SVEP1: variants seen among roughly 807,000 people sequenced by gnomAD.
The protein encoded by SVEP1 is sushi, von Willebrand factor type A, EGF and pentraxin domain-containing protein 1.
In SVEP1, 164 loss-of-function variants were observed where a neutral mutation model predicts 367.3. The ratio of observed to expected loss-of-function variants is 0.45; its 90% confidence interval spans 0.39 to 0.51. SVEP1 has a LOEUF of 0.51. Ranked by LOEUF, SVEP1 falls within the 20% of genes least tolerant of loss-of-function variation. SVEP1 has a pLI of 0.00. For missense variants in SVEP1, 4,117 were observed against 4,425.3 expected (o/e 0.93, Z 1.98); for synonymous variants, 1,666 against 1,611.6 (o/e 1.03, Z -0.81).
chr9:110,519,208 T>C (rs1276109346), intron 3 of SVEP1, among the ~76,000 whole-genome samples: 1 of 152,216 alleles, frequency 6.6e-6, no homozygotes, highest in Non-Finnish European at 1.5e-5. Context: ...TGAGGTCATG[T>C]GAGTAAAGCA....
chr9:110,448,032 G>A (rs954121618), intron 24 of SVEP1, among the ~76,000 whole-genome samples: 3 of 152,148 alleles, frequency 2.0e-5, no homozygotes, highest in Admixed American at 6.5e-5. Context: ...CTTATATACT[G>A]TTTATAGAAG....
At chr9:110,423,548 A>C (rs1280150946) in intron 36 of SVEP1, among the ~76,000 whole-genome samples, 1 of 152,184 alleles carries the variant, frequency 6.6e-6, no homozygotes, top group Non-Finnish European at 1.5e-5. Context: ...AAAGTCTTCA[A>C]GTTGTTCAGG....
rs771137481 is a variant in SVEP1 at position 110,457,333 on chromosome 9, A to G, written c.3596T>C (p.Phe1199Ser). The change falls in exon 21 of 48, where the codon TTT (phenylalanine) becomes TCT (serine). Residue 1199 changes from phenylalanine to serine, a missense_variant. Coordinates refer to ENST00000374469, the MANE Select transcript of SVEP1 (RefSeq NM_153366.4). ...GGTTCCACTATTGTGGCAAGGGTTA[A>G]AGAAGCATTCATGGAAAACCTACCA... is the stretch of plus-strand genomic sequence containing the variant. ...ISSQVFHECF[F>S]NPCHNSGTCQ... 3.1e-6 allele frequency: 5 copies of G among 1,611,574 alleles called. No homozygotes were observed. The highest frequency in any genetic ancestry group is 4.2e-6 in the Non-Finnish European group (5 of 1,179,354).
intron 40 of SVEP1, among the ~76,000 whole-genome samples, chr9:110,394,248 G>A (rs1044719907): frequency 6.6e-6 from 1 of 152,182 alleles, no homozygotes; most frequent in Admixed American, 6.5e-5. Flanking sequence ...GGCAAACAGG[G>A]TCTGGATTGG....
At chr9:110,548,710 CA>C (rs1316791846) in intron 2 of SVEP1, among the ~76,000 whole-genome samples, 1 of 152,262 alleles carries the variant, frequency 6.6e-6, no homozygotes, top group African/African-American at 2.4e-5. Flanking sequence ...AACGCAAATC[CA>C]TACTTTATTT....
Position 110,496,899 on chromosome 9 carries a change from G to A in SVEP1, c.1716C>T (p.Asp572=). 6.4e-7 allele frequency: 1 copy of A among 1,554,388 alleles called. No individual in the cohort carries two copies. Among genetic ancestry groups the A allele is most frequent in the Non-Finnish European group, 8.7e-7 (1 of 1,147,840 alleles). The change falls in exon 8 of 48, where the codon GAC becomes GAT. Residue 572 remains aspartate (D), a synonymous_variant. Transcript: ENST00000374469. ...GCTGTTCCAGAGTCTTAGCCTCTAT[G>A]TCCTTAGGACAGTTGATTTGAGGAG... ...VEAPQINCPK[D]IEAKTLEQQD...
chr9:110,375,578 C>G, intron 45 of SVEP1, 115 bp from the exon 46 acceptor site: 1 of 824,736 alleles, frequency 1.2e-6, no homozygotes, highest in Non-Finnish European at 1.9e-6. Flanking sequence ...AGGAGTGAAA[C>G]CTTATATGAC....
At chr9:110,528,605 C>G (rs1441979632) in intron 3 of SVEP1, among the ~76,000 whole-genome samples, 1 of 151,714 alleles carries the variant, frequency 6.6e-6, no homozygotes, top group Non-Finnish European at 1.5e-5. Flanking sequence ...TATATATCTT[C>G]CTTGAGAAAT....
intron 36 of SVEP1, among the ~76,000 whole-genome samples, chr9:110,426,629 G>A (rs1828257278): frequency 6.6e-6 from 1 of 152,136 alleles, no homozygotes; most frequent in Non-Finnish European, 1.5e-5. Flanking sequence ...AATATTTATT[G>A]AGGATGCATA....
chr9:110,427,729 G>C lies in SVEP1; in HGVS notation c.5837C>G (p.Thr1946Arg). Residue 1946 changes from threonine to arginine, a missense_variant, in exon 36 of 48, where the codon ACG becomes AGG. Physicochemically the swap from Thr to Arg is moderately conservative, Grantham distance 71. This residue lies in a region of SVEP1 where 2,174 missense variants were observed against 2,494.3 expected (regional missense o/e 0.87). Coordinates refer to ENST00000374469, the MANE Select transcript of SVEP1 (RefSeq NM_153366.4). ...CGCTCTGTCCCAGATGCCAGAAGCCGTGCATTCAATAATGGAAGGGCCCTG... is the reference window on the plus strand; with the variant it reads ...CGCTCTGTCCCAGATGCCAGAAGCCCTGCATTCAATAATGGAAGGGCCCTG... The part of the protein sequence containing the change: ...SLQGPSIIEC[T>R]ASGIWDRAPP... 1 of 1,613,106 alleles carries C rather than the reference G, an allele frequency of 6.2e-7. No individual in the cohort carries two copies. The highest frequency in any genetic ancestry group is 8.5e-7 in the Non-Finnish European group (1 of 1,179,520).
intron 1 of SVEP1, among the ~76,000 whole-genome samples, chr9:110,566,961 G>T (rs144208274): frequency 6.6e-6 from 1 of 152,082 alleles, no homozygotes; most frequent in African/African-American, 2.4e-5. Flanking sequence ...TTGCTCTCTC[G>T]GGAAAGTGAT....
At chr9:110,393,020 G>A (rs989071471) in intron 40 of SVEP1, among the ~76,000 whole-genome samples, 1 of 152,122 alleles carries the variant, frequency 6.6e-6, no homozygotes, top group Non-Finnish European at 1.5e-5. Context: ...TTTCTCAAGT[G>A]ATTCTAACAT....
At chr9:110,448,807 C>G (rs780488920) in intron 24 of SVEP1, among the ~76,000 whole-genome samples, 3 of 152,170 alleles carry the variant, frequency 2.0e-5, no homozygotes, top group Non-Finnish European at 4.4e-5. Flanking sequence ...ATGTCAAACA[C>G]CCATGAGAAA....
chr9:110,578,897 G>T (rs1228529015), intron 1 of SVEP1, 116 bp downstream of exon 1: 14 of 1,175,104 alleles, frequency 1.2e-5, no homozygotes, highest in Non-Finnish European at 1.5e-5. Flanking sequence ...GGGGACGCTT[G>T]ACTTGGGGTG....
intron 3 of SVEP1, among the ~76,000 whole-genome samples, chr9:110,542,241 T>C (rs1161181870): frequency 6.6e-6 from 1 of 152,058 alleles, no homozygotes; most frequent in Non-Finnish European, 1.5e-5. Context: ...TAGAGAAAAG[T>C]GTCTGGGGTT....
Position 110,497,036 on chromosome 9 carries a change from T to C in SVEP1, c.1682-103A>G, listed in dbSNP as rs1829460967. On this transcript the variant is annotated intron_variant, in intron 7 of 47. Transcript: ENST00000374469. ...AGTTATATTAATACACTGTGACACA[T>C]TTGTACATCCCAGTTACTGATTGTT... is the stretch of plus-strand genomic sequence containing the variant. 5 of 672,292 alleles carry C rather than the reference T, an allele frequency of 7.4e-6. No homozygotes were observed. In the South Asian group the frequency reaches 1.3e-4, roughly 17 times the overall value. 41.6% of individuals were successfully genotyped at this position (672,292 alleles called of 1,614,324 possible).
At chr9:110,409,874 G>T (rs911391382) in intron 37 of SVEP1, among the ~76,000 whole-genome samples, 58 of 152,080 alleles carry the variant, frequency 3.8e-4, no homozygotes, top group Non-Finnish European at 6.6e-4. Context: ...TACTCATTTT[G>T]TTTATGCATT....
At chr9:110,387,514 C>G in intron 41 of SVEP1, 56 bp from the exon 42 acceptor site, 2 of 1,483,880 alleles carry the variant, frequency 1.3e-6, no homozygotes, top group Non-Finnish European at 1.8e-6. Flanking sequence ...CTCTTTCCTT[C>G]TTTTCCTATG....
At chr9:110,395,340 C>G (rs113721383) in intron 40 of SVEP1, among the ~76,000 whole-genome samples, 1 of 152,152 alleles carries the variant, frequency 6.6e-6, no homozygotes, top group South Asian at 2.1e-4. Flanking sequence ...CCTAAAAGAG[C>G]TCCTGAAGGA....
Sources: allele counts gnomAD v4.1 joint callset (sites outside exome capture counted in the v4.1 genomes callset), GRCh38; gene constraint gnomAD v4.1.1; regional missense constraint gnomAD v4.1.1; transcripts MANE v1.5; gene names NCBI Gene and HGNC (gene_info 2026-07-23, HGNC 2026-07-21).